Variants in PPP6R3 observed in about 807,000 individuals in gnomAD.
The protein encoded by PPP6R3 is protein phosphatase 6 regulatory subunit 3.
In PPP6R3, 38 loss-of-function variants were observed where a neutral mutation model predicts 110.7. The observed-to-expected ratio is 0.34, with a 90% CI of 0.26 to 0.45. PPP6R3 has a LOEUF of 0.45. Ranked by LOEUF, PPP6R3 falls within the 20% of genes least tolerant of loss-of-function variation. The pLI is 1.00. For missense variants in PPP6R3, 870 were observed against 1,062.4 expected, an observed-to-expected ratio of 0.82 and a Z score of 2.52; for synonymous variants, 369 against 373.5, an observed-to-expected ratio of 0.99 and a Z score of 0.14.
chr11:68,523,066 G>A (rs892546390), intron 2 of PPP6R3, among the ~76,000 whole-genome samples: 1 of 152,152 alleles, frequency 6.6e-6, no homozygotes, highest in South Asian at 2.1e-4. Context: ...ATGAAGAGGA[G>A]GTTTTAGTTC....
At chr11:68,513,368 G>A (rs1374963165) in intron 1 of PPP6R3, among the ~76,000 whole-genome samples, 1 of 152,132 alleles carries the variant, frequency 6.6e-6, no homozygotes, top group African/African-American at 2.4e-5. Context: ...GAACAGATCT[G>A]TGAAATTGTT....
Position 68,601,946 on chromosome 11 carries a change from C to T in PPP6R3, c.2276C>T (p.Ala759Val), listed in dbSNP as rs773600322. 1.1e-5 allele frequency: 18 copies of T among 1,613,042 alleles called. No individual in the cohort carries two copies. The highest frequency in any genetic ancestry group is 3.3e-4 in the Middle Eastern group (2 of 6,058). The change falls in exon 21 of 24, where the codon GCT becomes GTT. Residue 759 changes from alanine to valine, a missense_variant. Coordinates refer to ENST00000393800, the MANE Select transcript of PPP6R3 (RefSeq NM_001164161.2). ...EPMDPLTPSA[A>V]ALAVQPEAAG... ...ATGGACCCTCTGACTCCCAGTGCGG[C>T]TGCCCTGGCAGTGCAGCCAGAAGGT... is the stretch of plus-strand genomic sequence containing the variant.
chr11:68,471,505 T>C (rs1184639305), intron 1 of PPP6R3, among the ~76,000 whole-genome samples: 1 of 151,960 alleles, frequency 6.6e-6, no homozygotes, highest in Non-Finnish European at 1.5e-5. Context: ...GGACCAAGAC[T>C]CGTCTCATGG....
At chr11:68,594,059 C>CA (rs2099603877) in intron 18 of PPP6R3, among the ~76,000 whole-genome samples, 1 of 151,650 alleles carries the variant, frequency 6.6e-6, no homozygotes, top group Non-Finnish European at 1.5e-5. Context: ...TATGAAAACA[C>CA]AAAAAAGAAC....
intron 2 of PPP6R3, among the ~76,000 whole-genome samples, chr11:68,529,364 G>A (rs113020558): frequency 0.23 from 35,107 of 151,928 alleles, 4,307 homozygotes; most frequent in Middle Eastern, 0.32. Context: ...GATTACAGGC[G>A]ACTGCCATTG....
Position 68,615,246 on chromosome 11 carries a change from A to T in PPP6R3, c.*2129A>T, listed in dbSNP as rs766830713. On this transcript the variant is annotated 3_prime_UTR_variant, in exon 24 of 24. Transcript: ENST00000393800. Reference sequence around the variant, plus strand: ...TACTTTTAATTTCTGTGTGTTGGCCATACTGAATTATGAGACTAACAGATG... The same window carrying T: ...TACTTTTAATTTCTGTGTGTTGGCCTTACTGAATTATGAGACTAACAGATG... 2.7e-6 allele frequency: 1 copy of T among 372,112 alleles called. No individual in the cohort carries two copies. Among genetic ancestry groups the T allele is most frequent in the Non-Finnish European group, 5.3e-6 (1 of 188,032 alleles). 23.1% of individuals were successfully genotyped at this position (372,112 alleles called of 1,614,324 possible). A position where few individuals can be genotyped will look rare whatever the true frequency, so the allele number is the denominator to read the frequency against.
At position 68,614,359 on chromosome 11, in the gene PPP6R3, A is replaced by C; in HGVS notation, c.*1242A>C. On this transcript the variant is annotated 3_prime_UTR_variant, in exon 24 of 24. Transcript: ENST00000393800. ...CAAGCAATATATTGTATATTGCCAT[A>C]TCGTCTGGTGAAAGGGTTAAATTAC... The C allele has an allele frequency of 8.4e-7, 1 of 1,190,360 alleles. No individual in the cohort carries two copies. Among genetic ancestry groups the C allele is most frequent in the Non-Finnish European group, 1.0e-6 (1 of 956,640 alleles). The allele number at this position is 1,190,360 out of a possible 1,614,324, so 73.7% of individuals were successfully genotyped here.
intron 12 of PPP6R3, among the ~76,000 whole-genome samples, chr11:68,571,615 A>G (rs1166452825): frequency 2.6e-5 from 4 of 152,240 alleles, no homozygotes; most frequent in Non-Finnish European, 2.9e-5. Flanking sequence ...ACATGTAAGT[A>G]GCTTTGTTAC....
chr11:68,585,792 G>A (rs2099576513), intron 15 of PPP6R3, among the ~76,000 whole-genome samples: 1 of 152,126 alleles, frequency 6.6e-6, no homozygotes, highest in African/African-American at 2.4e-5. Context: ...CTCTCCAGAT[G>A]GATGAATAGA....
intron 12 of PPP6R3, 47 bp from the exon 13 acceptor site, chr11:68,574,062 C>T (rs747184945): frequency 1.5e-6 from 2 of 1,374,954 alleles, no homozygotes; most frequent in Non-Finnish European, 1.0e-6. Flanking sequence ...TGTTTCATCA[C>T]TTCATCCTAT....
intron 1 of PPP6R3, among the ~76,000 whole-genome samples, chr11:68,501,275 G>GT (rs1365850562): frequency 6.6e-6 from 1 of 152,186 alleles, no homozygotes; most frequent in Non-Finnish European, 1.5e-5. Flanking sequence ...ATGATGAAAA[G>GT]TTAGAAGAAT....
chr11:68,522,036 A>T (rs1045848241), intron 2 of PPP6R3, among the ~76,000 whole-genome samples: 1 of 152,236 alleles, frequency 6.6e-6, no homozygotes, highest in East Asian at 1.9e-4. Flanking sequence ...TCAGTCCCCA[A>T]GCATATTACT....
Position 68,549,072 on chromosome 11 carries a change from G to T in PPP6R3, c.552+868G>T, listed in dbSNP as rs112773884. On this transcript the variant is annotated intron_variant, in intron 5 of 23. Transcript: ENST00000393800. Reference sequence around the variant, plus strand: ...CACCTGGCTAATTTTTGTGTTTTTAGTAGAGACAGGGTTTCACCATGTTGG... The same window carrying T: ...CACCTGGCTAATTTTTGTGTTTTTATTAGAGACAGGGTTTCACCATGTTGG... 8.1e-3 allele frequency among the ~76,000 whole-genome samples: 1,227 copies of T among 152,236 alleles called. 16 individuals are homozygous for T. Among genetic ancestry groups the T allele is most frequent in the African/African-American group, 0.029 (1,186 of 41,534 alleles).
intron 7 of PPP6R3, among the ~76,000 whole-genome samples, chr11:68,554,703 G>T (rs1293435501): frequency 6.6e-6 from 1 of 152,160 alleles, no homozygotes; most frequent in East Asian, 1.9e-4. Flanking sequence ...AGACAGCTTG[G>T]GGATGGGGTG....
At chr11:68,488,533 G>C (rs1361754768) in intron 1 of PPP6R3, 1 of 152,038 alleles carries the variant, frequency 6.6e-6, no homozygotes, top group African/African-American at 2.4e-5. Context: ...CTTATTTTTG[G>C]TTTTTGTATT....
At chr11:68,573,138 A>AAT (rs1200610429) in intron 12 of PPP6R3, among the ~76,000 whole-genome samples, 1,347 of 111,126 alleles carry the variant, frequency 0.012, 75 homozygotes, top group African/African-American at 0.015. Context: ...ATATATATAT[A>AAT]TATATATATA....
chr11:68,594,978 CTT>C (rs1351776076), intron 18 of PPP6R3, among the ~76,000 whole-genome samples: 3 of 152,146 alleles, frequency 2.0e-5, no homozygotes, highest in Non-Finnish European at 4.4e-5. Flanking sequence ...AAAGGATAGT[CTT>C]TTCAACAAAT....
At chr11:68,466,828 T>C (rs911130087) in intron 1 of PPP6R3, among the ~76,000 whole-genome samples, 2 of 152,242 alleles carry the variant, frequency 1.3e-5, no homozygotes, top group African/African-American at 2.4e-5. Flanking sequence ...TTAGCCAGGA[T>C]GGTCTCCATC....
At chr11:68,603,231 T>C in intron 21 of PPP6R3, 111 bp from the exon 22 acceptor site, 1 of 1,398,820 alleles carries the variant, frequency 7.1e-7, no homozygotes, top group Non-Finnish European at 9.7e-7. Context: ...TCTCACTCTT[T>C]TTTTTCTTCA....
Sources: gnomAD v4.1 joint callset for allele counts (sites outside exome capture counted in the v4.1 genomes callset) on GRCh38, gnomAD v4.1.1 for gene constraint, MANE v1.5 for transcripts, NCBI Gene and HGNC (gene_info 2026-07-23, HGNC 2026-07-21) for gene names.